The following DZIP1 variants were observed in gnomAD, a reference collection of about 807,000 sequenced individuals.
DZIP1 encodes the protein cilium assembly protein DZIP1.
Under a neutral mutation model 107.6 loss-of-function variants are expected in DZIP1, and 97 were observed. The observed-to-expected ratio is 0.90, with a 90% CI of 0.77 to 1.07. DZIP1 has a LOEUF of 1.07. DZIP1 is among the 50% of genes least tolerant of loss of function. The pLI, the probability that DZIP1 is intolerant of heterozygous loss-of-function variation, is 0.00. For synonymous variants in DZIP1, 390 were observed against 386.4 expected (o/e 1.01, Z -0.11); for missense variants, 1,035 against 1,063.6 (o/e 0.97, Z 0.37).
chr13:95,602,937 A>G lies in DZIP1; in HGVS notation c.1477+3066T>C, dbSNP rs2044660928. 2.6e-5 allele frequency among the ~76,000 whole-genome samples: 4 copies of G among 152,244 alleles called. 1 individual carries two copies. In the South Asian group the frequency reaches 8.3e-4, roughly 31 times the overall value. Reference sequence around the variant, plus strand: ...TACCACCTGTCATGTATTGGACAATAAACTATTGCTTGTGTTAATTTTCAG... The same window carrying G: ...TACCACCTGTCATGTATTGGACAATGAACTATTGCTTGTGTTAATTTTCAG... On this transcript the variant is annotated intron_variant, in intron 14 of 22. Coordinates refer to ENST00000376829, the MANE Select transcript of DZIP1 (RefSeq NM_198968.4).
rs752176737 is a variant in DZIP1 at position 95,589,210 on chromosome 13, A to G, written c.1974-3T>C. The G allele has an allele frequency of 2.5e-6, 4 of 1,586,690 alleles. No homozygotes were observed. Among genetic ancestry groups the G allele is most frequent in the Non-Finnish European group, 3.4e-6 (4 of 1,161,762 alleles). Reference sequence around the variant, plus strand: ...CTTCCATGACATTTTTCTTAATTCTAAAAAAACAACAGAAAAATATTTTTA... The same window carrying G: ...CTTCCATGACATTTTTCTTAATTCTGAAAAAACAACAGAAAAATATTTTTA... On this transcript the variant is annotated splice_polypyrimidine_tract_variant and splice_region_variant and intron_variant, in intron 18 of 22. Transcript: ENST00000376829.
chr13:95,640,250 G>A (rs185103482), intron 5 of DZIP1, among the ~76,000 whole-genome samples: 1 of 152,014 alleles, frequency 6.6e-6, no homozygotes, highest in East Asian at 1.9e-4. Context: ...CGCCCGCCTC[G>A]GCCTCCCAAA....
chr13:95,592,264 G>GA (rs889060115), intron 16 of DZIP1, among the ~76,000 whole-genome samples: 5 of 151,558 alleles, frequency 3.3e-5, no homozygotes, highest in Admixed American at 6.6e-5. Flanking sequence ...AAGCATTAGA[G>GA]AAAAAAAAGA....
chr13:95,631,275 G>A (rs1877162437), intron 6 of DZIP1, among the ~76,000 whole-genome samples: 3 of 152,128 alleles, frequency 2.0e-5, no homozygotes, highest in African/African-American at 7.2e-5. Flanking sequence ...GGGCAACACA[G>A]CAAAACCCCA....
Position 95,611,347 on chromosome 13 carries a change from C to A in DZIP1, c.1363+98G>T, listed in dbSNP as rs944699016. ...ATCAATACAACAAGAAGAATGCCAT[C>A]TTAGCACACATAAACAAGTGGGGCC... is the stretch of plus-strand genomic sequence containing the variant. On this transcript the variant is annotated intron_variant, in intron 12 of 22. Transcript: ENST00000376829. 1.1e-5 allele frequency: 10 copies of A among 888,212 alleles called. No homozygotes were observed. In the East Asian group the frequency reaches 2.4e-4, roughly 22 times the overall value. 55.0% of individuals were successfully genotyped at this position (888,212 alleles called of 1,614,324 possible).
chr13:95,620,781 C>G (rs1875727685), intron 9 of DZIP1, among the ~76,000 whole-genome samples: 1 of 152,210 alleles, frequency 6.6e-6, no homozygotes, highest in Non-Finnish European at 1.5e-5. Context: ...GGGTTCTGAA[C>G]TGACAACACA....
At chr13:95,628,528 G>A (rs139858237) in intron 7 of DZIP1, among the ~76,000 whole-genome samples, 1 of 152,228 alleles carries the variant, frequency 6.6e-6, no homozygotes, top group Non-Finnish European at 1.5e-5. Context: ...TACACTAAAC[G>A]CTACTGGATT....
intron 19 of DZIP1, among the ~76,000 whole-genome samples, chr13:95,588,497 T>C (rs1243187890): frequency 1.3e-5 from 2 of 152,234 alleles, no homozygotes; most frequent in East Asian, 1.9e-4. Flanking sequence ...CTACAATTTA[T>C]TGAGTACCCA....
In DZIP1 at chr13:95,579,063, G is replaced by T. The variant is rs1279858513; in HGVS notation, c.*3171C>A. ...TCCATTATTGGAACACTAAGCATGT[G>T]GGAGTTATTTATATCCTACTGCTCA... On this transcript the variant is annotated 3_prime_UTR_variant, in exon 23 of 23. Coordinates refer to ENST00000376829, the MANE Select transcript of DZIP1 (RefSeq NM_198968.4). 2 of 152,188 alleles carry T rather than the reference G, an allele frequency of 1.3e-5. No homozygotes were observed. The highest frequency in any genetic ancestry group is 4.8e-5 in the African/African-American group (2 of 41,444). The allele number at this position is 152,188 out of a possible 1,614,324, so 9.4% of individuals were successfully genotyped here.
chr13:95,593,306 G>A (rs1187971542), intron 16 of DZIP1, among the ~76,000 whole-genome samples: 7 of 152,052 alleles, frequency 4.6e-5, no homozygotes, highest in Non-Finnish European at 8.8e-5. Context: ...ACACATCCAC[G>A]TGTGTGCCCA....
intron 5 of DZIP1, among the ~76,000 whole-genome samples, chr13:95,638,240 C>T (rs1347933338): frequency 1.3e-5 from 2 of 151,938 alleles, no homozygotes; most frequent in Non-Finnish European, 2.9e-5. Flanking sequence ...CAGGTATGCG[C>T]CACCACACCT....
chr13:95,612,943 C>A (rs918987508), intron 10 of DZIP1, among the ~76,000 whole-genome samples: 5 of 151,488 alleles, frequency 3.3e-5, no homozygotes, highest in African/African-American at 1.2e-4. Flanking sequence ...TCAGCAGGTT[C>A]TCTGAGAAAT....
At chr13:95,593,904 C>G in intron 16 of DZIP1, 40 bp downstream of exon 16, 2 of 1,575,436 alleles carry the variant, frequency 1.3e-6, no homozygotes, top group Non-Finnish European at 1.7e-6. Context: ...AAACAAAACA[C>G]AGCAAAACTA....
In DZIP1 at chr13:95,644,435, G is replaced by A. The variant is rs1878885625; in HGVS notation, c.-584C>T. On this transcript the variant is annotated 5_prime_UTR_variant, in exon 1 of 23. Transcript: ENST00000376829. ...CTGCAGGCGGGCGGGGGCGACACAG[G>A]GGACCCAGACCCCAGGGTCGCTGCT... The A allele has an allele frequency of 6.6e-6, 1 of 152,670 alleles. No individual in the cohort carries two copies. The highest frequency in any genetic ancestry group is 6.5e-5 in the Admixed American group (1 of 15,292). 9.5% of individuals were successfully genotyped at this position (152,670 alleles called of 1,614,324 possible). A position where few individuals can be genotyped will look rare whatever the true frequency, so the allele number is the denominator to read the frequency against.
At chr13:95,640,704 T>C (rs1166681118) in intron 5 of DZIP1, among the ~76,000 whole-genome samples, 1 of 152,230 alleles carries the variant, frequency 6.6e-6, no homozygotes, top group African/African-American at 2.4e-5. Flanking sequence ...GTTATGTAAG[T>C]GAATGTTCTT....
rs772124568 is a variant in DZIP1 at position 95,582,267 on chromosome 13, A to C, written c.2571T>G (p.Thr857=). 6.2e-7 allele frequency: 1 copy of C among 1,614,174 alleles called. No individual in the cohort carries two copies. The highest frequency in any genetic ancestry group is 8.5e-7 in the Non-Finnish European group (1 of 1,180,004). ...ESSTLKSSLV[T]VTDWSDTSDV is the part of the protein sequence containing the mutation. ...CTGAAGTGTCGCTCCAATCAGTCAC[A>C]GTTACTAAGCTGCTTTTTAATGTGC... The change falls in exon 23 of 23, where the codon ACT becomes ACG. Residue 857 remains threonine, a synonymous_variant. Transcript: ENST00000376829.
At chr13:95,629,481 G>C (rs1876941149) in intron 7 of DZIP1, among the ~76,000 whole-genome samples, 1 of 152,178 alleles carries the variant, frequency 6.6e-6, no homozygotes, top group South Asian at 2.1e-4. Context: ...TGGTGGCTTT[G>C]AGTATGGAGG....
Position 95,579,579 on chromosome 13 carries a change from T to G in DZIP1, c.*2655A>C, listed in dbSNP as rs1220224771. 1 of 150,686 alleles carries G rather than the reference T, an allele frequency of 6.6e-6. No individual in the cohort carries two copies. The highest frequency in any genetic ancestry group is 1.9e-4 in the East Asian group (1 of 5,202). 9.3% of individuals were successfully genotyped at this position (150,686 alleles called of 1,614,324 possible). Reference sequence around the variant, plus strand: ...CAAAGTATGAATAAGAATTGGTATTTGTGTTATCTTTGAGTAAGAAACTGT... The same window carrying G: ...CAAAGTATGAATAAGAATTGGTATTGGTGTTATCTTTGAGTAAGAAACTGT... On this transcript the variant is annotated 3_prime_UTR_variant, in exon 23 of 23. Coordinates refer to ENST00000376829, the MANE Select transcript of DZIP1 (RefSeq NM_198968.4).
chr13:95,616,362 T>C (rs1025389054), intron 10 of DZIP1, among the ~76,000 whole-genome samples: 5 of 152,140 alleles, frequency 3.3e-5, no homozygotes, highest in African/African-American at 7.2e-5. Context: ...TCTCCATCTA[T>C]GAAAACAAGG....
Sources: allele counts gnomAD v4.1 joint callset (sites outside exome capture counted in the v4.1 genomes callset), GRCh38; gene constraint gnomAD v4.1.1; transcripts MANE v1.5; gene names NCBI Gene and HGNC (gene_info 2026-07-23, HGNC 2026-07-21).